The following HUWE1 variants were observed in gnomAD, a reference collection of about 807,000 sequenced individuals.
HUWE1 encodes the protein HECT, UBA and WWE domain containing E3 ubiquitin protein ligase 1, also known as E3 ubiquitin-protein ligase HUWE1.
Under a neutral mutation model 299.4 loss-of-function variants are expected in HUWE1, and 18 were observed. The observed-to-expected ratio is 0.06, with a 90% CI of 0.04 to 0.09. The LOEUF is 0.09. Among genes scored for constraint, HUWE1 ranks in the 10% least tolerant of loss-of-function variants. The probability of loss-of-function intolerance (pLI) is 1.00; values close to 1 mark genes in which losing one functional copy is unlikely to be tolerated. For synonymous variants in HUWE1, 1,317 were observed against 1,286.1 expected, an observed-to-expected ratio of 1.02 and a Z score of -0.51; for missense variants, 1,832 against 3,462.3, an observed-to-expected ratio of 0.53 and a Z score of 11.82.
intron 53 of HUWE1, 57 bp downstream of exon 53, chrX:53,562,774 G>T (rs2062356201): frequency 1.0e-6 from 1 of 954,020 alleles, no homozygotes; most frequent in Non-Finnish European, 1.5e-6. Context: ...CCCTAGTGTA[G>T]TGTCTGTCAG....
At chrX:53,563,880 G>A (rs1556943415) in intron 51 of HUWE1, 59 bp from the exon 52 acceptor site, 20 of 1,141,542 alleles carry the variant, frequency 1.8e-5, no homozygotes, top group South Asian at 9.4e-5. Context: ...TGCTAGCACC[G>A]AAACCCTAAA....
chrX:53,540,621 C>G (rs2061304455), intron 74 of HUWE1, among the ~76,000 whole-genome samples: 1 of 112,504 alleles, frequency 8.9e-6, no homozygotes, highest in African/African-American at 3.2e-5. Flanking sequence ...GCCACCACGC[C>G]CGGCCTTCTA....
chrX:53,543,705 CTT>C, intron 73 of HUWE1, 134 bp downstream of exon 73: 1 of 942,748 alleles, frequency 1.1e-6, no homozygotes. Flanking sequence ...GAAAGTAACC[CTT>C]TTGTCCAGAA....
At chrX:53,557,489 G>GT (rs2062076372) in intron 59 of HUWE1, 62 bp from the exon 60 acceptor site, 1 of 924,671 alleles carries the variant, frequency 1.1e-6, no homozygotes, top group African/African-American at 1.9e-5. Flanking sequence ...GAGGTCAACT[G>GT]TAATAGTCAC....
At position 53,586,800 on chromosome X, in the gene HUWE1, T is replaced by C; in HGVS notation, c.4724A>G (p.Lys1575Arg). ...QPCLQAAKEQ[K>R]EVQTPKWITP... ...TACTCACTTTGGGGTCTGGACTTCC[T>C]TCTGCTCCTTGGCTGCCTGGAGGCA... The change falls in exon 38 of 84, where the codon AAG (lysine) becomes AGG (arginine). Residue 1575 changes from lysine (K) to arginine (R), a missense_variant. By Grantham distance (26) the Lys-to-Arg change is conservative. Around this residue, in one of 15 missense-constraint regions of HUWE1, gnomAD observed 658 missense variants for 1,282.6 expected, o/e 0.51. Coordinates refer to ENST00000262854, the MANE Select transcript of HUWE1 (RefSeq NM_031407.7). The C allele has an allele frequency of 8.3e-7, 1 of 1,211,488 alleles. No individual in the cohort carries two copies. Among genetic ancestry groups the C allele is most frequent in the Non-Finnish European group, 1.1e-6 (1 of 895,342 alleles).
At chrX:53,602,285 C>A (rs1649894194) in intron 28 of HUWE1, among the ~76,000 whole-genome samples, 1 of 108,070 alleles carries the variant, frequency 9.3e-6, no homozygotes, top group Non-Finnish European at 1.9e-5. Context: ...TTATCTAAGA[C>A]ACTGGCAAAT....
chrX:53,647,624 A>T, intron 5 of HUWE1, 50 bp from the exon 6 acceptor site: 1 of 923,375 alleles, frequency 1.1e-6, no homozygotes, highest in Non-Finnish European at 1.6e-6. Flanking sequence ...GAAGCGCCGC[A>T]TGGGTGCTTT....
intron 39 of HUWE1, 90 bp from the exon 40 acceptor site, chrX:53,585,278 A>C: frequency 3.2e-6 from 3 of 928,836 alleles, no homozygotes; most frequent in Non-Finnish European, 3.1e-6. Context: ...GCTAAAACTC[A>C]CCCAGGAAAA....
chrX:53,628,716 T>C (rs781868399), intron 14 of HUWE1, 36 bp downstream of exon 14: 2 of 1,209,728 alleles, frequency 1.7e-6, no homozygotes, highest in Admixed American at 2.2e-5. Flanking sequence ...GGGCAAATGT[T>C]TCTTCTTGCC....
At chrX:53,570,592 T>C (rs782790371) in intron 47 of HUWE1, among the ~76,000 whole-genome samples, 1 of 112,371 alleles carries the variant, frequency 8.9e-6, no homozygotes, top group South Asian at 3.7e-4. Flanking sequence ...TATGCAAAAA[T>C]ATTTAATGCA....
At chrX:53,622,627 A>G (rs782275217) in intron 19 of HUWE1, among the ~76,000 whole-genome samples, 207 of 111,418 alleles carry the variant, frequency 1.9e-3, no homozygotes, top group Middle Eastern at 9.1e-3. Flanking sequence ...GCCCTCAATG[A>G]GGGACAAAGC....
intron 23 of HUWE1, among the ~76,000 whole-genome samples, chrX:53,610,756 T>C (rs1557001414): frequency 9.0e-6 from 1 of 111,610 alleles, no homozygotes; most frequent in Non-Finnish European, 1.9e-5. Flanking sequence ...AACAACTGCG[T>C]CTCTGCACTC....
intron 72 of HUWE1, 78 bp downstream of exon 72, chrX:53,544,482 G>A (rs782398830): frequency 3.2e-5 from 26 of 803,925 alleles, no homozygotes; most frequent in South Asian, 4.3e-5. Context: ...GAGACAGGCC[G>A]TTAAGTCCTG....
In HUWE1 at chrX:53,621,544, C is replaced by T. The variant is rs782432029; in HGVS notation, c.1672+3051G>A. ...GTACAACTGACAGTCCCAGCCTTGA[C>T]GCTAACACCCTCAAGATGGTAACTG... On this transcript the variant is annotated intron_variant, in intron 19 of 83. Coordinates refer to ENST00000262854, the MANE Select transcript of HUWE1 (RefSeq NM_031407.7). 9.3e-5 allele frequency among the ~76,000 whole-genome samples: 10 copies of T among 107,294 alleles called. No individual in the cohort carries two copies. The South Asian group carries it at 1.7e-3, about 18-fold the overall frequency. 93.2% of individuals were successfully genotyped at this position (107,294 alleles called of 115,157 possible). A position where few individuals can be genotyped will look rare whatever the true frequency, so the allele number is the denominator to read the frequency against.
chrX:53,633,009 T>C (rs1253351732), intron 8 of HUWE1, among the ~76,000 whole-genome samples: 1 of 112,797 alleles, frequency 8.9e-6, no homozygotes, highest in Non-Finnish European at 1.9e-5. Context: ...ATCAGCCTTC[T>C]GAAATATTTA....
chrX:53,671,066 T>C (rs1237535604), intron 3 of HUWE1, among the ~76,000 whole-genome samples: 2 of 111,388 alleles, frequency 1.8e-5, no homozygotes, highest in African/African-American at 6.5e-5. Flanking sequence ...TACATTCCGG[T>C]TGTAGAAATT....
In HUWE1 at chrX:53,533,156, G is replaced by A. The variant is rs1016394809; in HGVS notation, c.*153C>T. The A allele has an allele frequency of 4.0e-5, 19 of 478,571 alleles. No individual in the cohort carries two copies. The Admixed American group carries it at 5.4e-4, about 14-fold the overall frequency. 39.4% of individuals were successfully genotyped at this position (478,571 alleles called of 1,213,427 possible). On this transcript the variant is annotated 3_prime_UTR_variant, in exon 84 of 84. Transcript: ENST00000262854. ...AGAATGAGAAGAGGAACAGGTATGCGCTGGGGAAGATGGGGCAGCTGGGAC... is the reference window on the plus strand; with the variant it reads ...AGAATGAGAAGAGGAACAGGTATGCACTGGGGAAGATGGGGCAGCTGGGAC...
intron 28 of HUWE1, among the ~76,000 whole-genome samples, chrX:53,601,366 T>C (rs1188694404): frequency 1.8e-5 from 2 of 109,345 alleles, no homozygotes; most frequent in Admixed American, 9.8e-5. Flanking sequence ...ATTTTTTTTG[T>C]AGAGATAGAG....
intron 79 of HUWE1, 40 bp from the exon 80 acceptor site, chrX:53,536,292 G>T (rs782687065): frequency 9.7e-6 from 11 of 1,139,738 alleles, no homozygotes; most frequent in Admixed American, 2.2e-5. Context: ...GTTTGCGAGT[G>T]GGGGGGAAGA....
Sources: gnomAD v4.1 joint callset for allele counts (sites outside exome capture counted in the v4.1 genomes callset) on GRCh38, gnomAD v4.1.1 for gene constraint, gnomAD v4.1.1 regional missense constraint, MANE v1.5 for transcripts, NCBI Gene and HGNC (gene_info 2026-07-23, HGNC 2026-07-21) for gene names.